Variants in CTNNA3 observed in about 807,000 individuals in gnomAD.
CTNNA3 encodes catenin alpha-3.
A neutral mutation model predicts 95.7 loss-of-function variants in CTNNA3; 76 were observed. The observed-to-expected ratio is 0.79, with a 90% confidence interval of 0.66 to 0.96. The LOEUF (loss-of-function observed/expected upper bound fraction) is 0.96, where lower values mean the gene tolerates loss of function less well. Ranked by LOEUF, CTNNA3 falls within the 40% of genes least tolerant of loss-of-function variation. The probability of loss-of-function intolerance (pLI) is 0.00; values close to 1 mark genes in which losing one functional copy is unlikely to be tolerated. For missense variants in CTNNA3, 1,191 were observed against 1,089.8 expected (o/e 1.09, Z -1.31); for synonymous variants, 431 against 374.4 (o/e 1.15, Z -1.74).
intron 12 of CTNNA3, among the ~76,000 whole-genome samples, chr10:66,318,844 T>A (rs2092140539): frequency 6.6e-6 from 1 of 152,040 alleles, no homozygotes; most frequent in Non-Finnish European, 1.5e-5. Context: ...TTGAGAACCT[T>A]CTTGCATAAA....
intron 10 of CTNNA3, among the ~76,000 whole-genome samples, chr10:66,617,098 C>T (rs1364392558): frequency 6.6e-6 from 1 of 151,770 alleles, no homozygotes; most frequent in Non-Finnish European, 1.5e-5. Context: ...TAAGGGAGAT[C>T]AAATCACTGA....
chr10:67,225,726 G>C lies in CTNNA3; in HGVS notation c.580-5856C>G, dbSNP rs1018944824. ...TTGGGACAAAAGAATCTGAAAAACA[G>C]CCTTCAGCCCTAGACCTTCCCTCTA... is the stretch of plus-strand genomic sequence containing the variant. On this transcript the variant is annotated intron_variant, in intron 5 of 17. Transcript: ENST00000433211. 7.2e-5 allele frequency among the ~76,000 whole-genome samples: 11 copies of C among 152,196 alleles called. No individual in the cohort carries two copies. In the South Asian group the frequency reaches 8.3e-4, roughly 11 times the overall value.
chr10:67,348,959 C>A (rs182414074), intron 5 of CTNNA3, among the ~76,000 whole-genome samples: 1 of 152,038 alleles, frequency 6.6e-6, no homozygotes, highest in African/African-American at 2.4e-5. Context: ...TGAAAATATA[C>A]GCAACATCAT....
chr10:66,062,998 C>G (rs1277061693), intron 15 of CTNNA3, among the ~76,000 whole-genome samples: 1 of 151,914 alleles, frequency 6.6e-6, no homozygotes, highest in African/African-American at 2.4e-5. Context: ...AGGAGGGAGA[C>G]ATGTACAGAG....
intron 13 of CTNNA3, among the ~76,000 whole-genome samples, chr10:66,249,961 A>G (rs2090485454): frequency 6.6e-6 from 1 of 152,218 alleles, no homozygotes; most frequent in South Asian, 2.1e-4. Context: ...AGTAGGCAGC[A>G]TTATTTATAG....
intron 7 of CTNNA3, among the ~76,000 whole-genome samples, chr10:67,053,410 C>T: frequency 6.6e-6 from 1 of 152,054 alleles, no homozygotes; most frequent in East Asian, 1.9e-4. Context: ...TTCTGGCAGA[C>T]TTGAAGAACA....
At chr10:66,229,547 A>T (rs1409875792) in intron 13 of CTNNA3, among the ~76,000 whole-genome samples, 3 of 151,886 alleles carry the variant, frequency 2.0e-5, no homozygotes, top group Non-Finnish European at 2.9e-5. Context: ...TGAATATATC[A>T]TCCTATTCTC....
chr10:66,945,187 C>G (rs1305043956), intron 7 of CTNNA3, among the ~76,000 whole-genome samples: 2 of 152,162 alleles, frequency 1.3e-5, no homozygotes, highest in African/African-American at 2.4e-5. Context: ...TCTTTTTCCA[C>G]TAGAAGATTA....
intron 7 of CTNNA3, among the ~76,000 whole-genome samples, chr10:66,833,236 T>A (rs1273058857): frequency 6.6e-6 from 1 of 152,138 alleles, no homozygotes; most frequent in African/African-American, 2.4e-5. Context: ...GGACACTGAA[T>A]AGGGAGAGCA....
chr10:66,149,828 A>C (rs1190578821), intron 13 of CTNNA3, among the ~76,000 whole-genome samples: 2 of 152,074 alleles, frequency 1.3e-5, no homozygotes, highest in Admixed American at 6.6e-5. Context: ...CAATGGAATA[A>C]ACTATCTCAT....
At position 66,538,484 on chromosome 10, in the gene CTNNA3, G is replaced by A. The variant is rs78181378; in HGVS notation, c.1375-17711C>T. Among the ~76,000 whole-genome samples the A allele has an allele frequency of 2.4e-4, 37 of 152,264 alleles. 1 individual carries two copies. The East Asian group carries it at 6.8e-3, about 28-fold the overall frequency. On this transcript the variant is annotated intron_variant, in intron 10 of 17. Coordinates refer to ENST00000433211, the MANE Select transcript of CTNNA3 (RefSeq NM_013266.4). ...AATTTGAACTTGAGAAGTCCTTCCT[G>A]TGGCAAATTTAAAAATAGAGCAGCG...
intron 2 of CTNNA3, among the ~76,000 whole-genome samples, chr10:67,636,742 C>G (rs1839327621): frequency 6.6e-6 from 1 of 152,062 alleles, no homozygotes; most frequent in South Asian, 2.1e-4. Flanking sequence ...CTGCTGATAC[C>G]CAGGAAAACA....
At chr10:67,230,698 G>A (rs986661130) in intron 5 of CTNNA3, among the ~76,000 whole-genome samples, 6 of 152,184 alleles carry the variant, frequency 3.9e-5, no homozygotes, top group East Asian at 1.9e-4. Context: ...GGAACAGCTC[G>A]GTCTACAGCT....
At position 66,909,603 on chromosome 10, in the gene CTNNA3, C is replaced by T. The variant is rs983921220; in HGVS notation, c.1048-134079G>A. Among the ~76,000 whole-genome samples the T allele has an allele frequency of 3.9e-5, 6 of 152,146 alleles. No individual in the cohort carries two copies. In the East Asian group the frequency reaches 1.2e-3, roughly 29 times the overall value. On this transcript the variant is annotated intron_variant, in intron 7 of 17. Coordinates refer to ENST00000433211, the MANE Select transcript of CTNNA3 (RefSeq NM_013266.4). ...ACAGGAAATTTCCTCCAACCAATTA[C>T]TCAGATTGGAAGCAAATAAGAGAGC...
chr10:67,313,946 A>G (rs1276546534), intron 5 of CTNNA3, among the ~76,000 whole-genome samples: 1 of 152,200 alleles, frequency 6.6e-6, no homozygotes, highest in African/African-American at 2.4e-5. Context: ...GAGGTCTGGA[A>G]TAGAGGTACT....
intron 9 of CTNNA3, among the ~76,000 whole-genome samples, chr10:66,714,862 T>C (rs1266224584): frequency 6.6e-6 from 1 of 152,168 alleles, no homozygotes; most frequent in East Asian, 1.9e-4. Flanking sequence ...ACTTCTTTAA[T>C]GAGTCTCTTC....
chr10:67,491,225 A>G (rs1848637113), intron 5 of CTNNA3, among the ~76,000 whole-genome samples: 1 of 152,236 alleles, frequency 6.6e-6, no homozygotes, highest in Admixed American at 6.5e-5. Flanking sequence ...ATAGATAGAA[A>G]TAAGAATATA....
At chr10:67,261,589 A>G (rs997998156) in intron 5 of CTNNA3, among the ~76,000 whole-genome samples, 1 of 152,190 alleles carries the variant, frequency 6.6e-6, no homozygotes, top group African/African-American at 2.4e-5. Context: ...TTAGAACTAC[A>G]TTGCGTAACA....
chr10:66,688,747 G>A (rs1280148863), intron 9 of CTNNA3, among the ~76,000 whole-genome samples: 2 of 152,000 alleles, frequency 1.3e-5, no homozygotes, highest in Non-Finnish European at 2.9e-5. Context: ...TGAGGCAGGT[G>A]GATCACGAGG....
Sources: allele counts gnomAD v4.1 joint callset (sites outside exome capture counted in the v4.1 genomes callset), GRCh38; gene constraint gnomAD v4.1.1; transcripts MANE v1.5; gene names NCBI Gene and HGNC (gene_info 2026-07-23, HGNC 2026-07-21).